The following GABRB1 variants were observed in gnomAD, a reference collection of about 807,000 sequenced individuals.
GABRB1 encodes the protein gamma-aminobutyric acid receptor subunit beta-1.
In GABRB1, 17 loss-of-function variants were observed where a neutral mutation model predicts 51.6. The ratio of observed to expected loss-of-function variants is 0.33; its 90% CI spans 0.23 to 0.49. The LOEUF is 0.49. Among genes scored for constraint, GABRB1 ranks in the 20% least tolerant of loss-of-function variants. The probability of loss-of-function intolerance (pLI) is 0.99; values close to 1 mark genes in which losing one functional copy is unlikely to be tolerated. For synonymous variants in GABRB1, 247 were observed against 218.9 expected (o/e 1.13, Z -1.14); for missense variants, 410 against 600.6 (o/e 0.68, Z 3.32).
At chr4:47,248,010 T>C (rs1721832432) in intron 4 of GABRB1, among the ~76,000 whole-genome samples, 1 of 152,102 alleles carries the variant, frequency 6.6e-6, no homozygotes, top group Non-Finnish European at 1.5e-5. Flanking sequence ...TGTTTCTTTC[T>C]CTTCTCTGAT....
At chr4:47,202,310 G>A (rs1002907557) in intron 4 of GABRB1, among the ~76,000 whole-genome samples, 2 of 152,108 alleles carry the variant, frequency 1.3e-5, no homozygotes, top group East Asian at 1.9e-4. Context: ...TGCCATGATT[G>A]TAAGTTTCCT....
At chr4:47,279,209 A>G (rs528295056) in intron 4 of GABRB1, among the ~76,000 whole-genome samples, 1 of 152,186 alleles carries the variant, frequency 6.6e-6, no homozygotes, top group African/African-American at 2.4e-5. Context: ...CTTCTCTTAA[A>G]CCTTTCACTT....
intron 4 of GABRB1, among the ~76,000 whole-genome samples, chr4:47,312,450 C>A (rs189034438): frequency 6.6e-6 from 1 of 152,198 alleles, no homozygotes; most frequent in African/African-American, 2.4e-5. Flanking sequence ...TTAGTCATAA[C>A]TTAGACTAAC....
At chr4:47,232,924 G>A (rs1721195733) in intron 4 of GABRB1, among the ~76,000 whole-genome samples, 1 of 150,374 alleles carries the variant, frequency 6.7e-6, no homozygotes. Context: ...ACCCAGGCTG[G>A]AGTGCAGTGG....
intron 3 of GABRB1, among the ~76,000 whole-genome samples, chr4:47,109,850 C>A (rs1417247236): frequency 6.6e-6 from 1 of 151,848 alleles, no homozygotes; most frequent in Non-Finnish European, 1.5e-5. Context: ...AGAATTAAAC[C>A]AGAACTTTAG....
At chr4:47,008,352 T>G (rs1163085335) in intron 1 of GABRB1, among the ~76,000 whole-genome samples, 9 of 152,112 alleles carry the variant, frequency 5.9e-5, no homozygotes, top group African/African-American at 1.9e-4. Flanking sequence ...CTAGATGAGA[T>G]TCTACAAAGA....
Position 47,171,225 on chromosome 4 carries a change from G to C in GABRB1, c.461+9756G>C, listed in dbSNP as rs1430233790. On this transcript the variant is annotated intron_variant, in intron 4 of 8. Transcript: ENST00000295454. ...AAGAGCTACATCTCCCCAAATTCCT[G>C]ACCTTGATTGTATGTCTCGTGGAAG... Among the ~76,000 whole-genome samples the C allele has an allele frequency of 2.0e-5, 3 of 150,676 alleles. 1 individual carries two copies. The South Asian group carries it at 6.3e-4, about 32-fold the overall frequency.
intron 4 of GABRB1, among the ~76,000 whole-genome samples, chr4:47,187,642 T>C (rs1719240179): frequency 6.6e-6 from 1 of 151,918 alleles, no homozygotes; most frequent in African/African-American, 2.4e-5. Flanking sequence ...CTGTTAGATA[T>C]AGAGAAGTTA....
chr4:47,170,670 T>C (rs1481616714), intron 4 of GABRB1, among the ~76,000 whole-genome samples: 1 of 152,164 alleles, frequency 6.6e-6, no homozygotes, highest in African/African-American at 2.4e-5. Context: ...GTTGATGTAG[T>C]ATTTGCAGAG....
In GABRB1 at chr4:47,340,416, G is replaced by A. The variant is rs146764682; in HGVS notation, c.544+20207G>A. ...TCTGGTGCTGTCTTAGTCCATTTGC[G>A]CTGGTATAATATGATACCTTCGAGG... is the stretch of plus-strand genomic sequence containing the variant. On this transcript the variant is annotated intron_variant, in intron 5 of 8. Coordinates refer to ENST00000295454, the MANE Select transcript of GABRB1 (RefSeq NM_000812.4). Among the ~76,000 whole-genome samples the A allele has an allele frequency of 7.2e-3, 1,089 of 152,082 alleles. 16 individuals are homozygous for A. Among genetic ancestry groups the A allele is most frequent in the African/African-American group, 0.024 (986 of 41,494 alleles).
chr4:47,319,882 T>G (rs1445232432), intron 4 of GABRB1, among the ~76,000 whole-genome samples: 1 of 152,234 alleles, frequency 6.6e-6, no homozygotes, highest in Non-Finnish European at 1.5e-5. Flanking sequence ...TTTGTTCAGA[T>G]TTCTATTTAT....
intron 3 of GABRB1, among the ~76,000 whole-genome samples, chr4:47,094,740 C>T (rs1409142984): frequency 6.8e-6 from 1 of 147,284 alleles, no homozygotes; most frequent in African/African-American, 2.5e-5. Context: ...CAAACCTGCA[C>T]ATGTACCCAT....
chr4:47,351,305 G>T (rs919146534), intron 5 of GABRB1, among the ~76,000 whole-genome samples: 1 of 152,106 alleles, frequency 6.6e-6, no homozygotes, highest in Admixed American at 6.6e-5. Flanking sequence ...TAGGCCAAGT[G>T]TGTCTATAAT....
At chr4:47,333,632 T>C (rs993191317) in intron 5 of GABRB1, among the ~76,000 whole-genome samples, 1 of 152,076 alleles carries the variant, frequency 6.6e-6, no homozygotes. Context: ...GGAGAATCAC[T>C]TGAACCCAGG....
intron 5 of GABRB1, among the ~76,000 whole-genome samples, chr4:47,379,222 CT>C (rs1438967390): frequency 1.3e-5 from 2 of 152,138 alleles, no homozygotes; most frequent in African/African-American, 4.8e-5. Context: ...CTATGCTATA[CT>C]ATAGCTGAAC....
intron 5 of GABRB1, among the ~76,000 whole-genome samples, chr4:47,371,113 G>T (rs1366216543): frequency 2.9e-5 from 3 of 102,118 alleles, no homozygotes; most frequent in African/African-American, 4.0e-5. Context: ...ACAGGCTCCA[G>T]TGTGTATTGT....
At chr4:47,317,353 C>T (rs1724929349) in intron 4 of GABRB1, among the ~76,000 whole-genome samples, 2 of 151,816 alleles carry the variant, frequency 1.3e-5, no homozygotes, top group Admixed American at 6.6e-5. Context: ...TCATAAGAAG[C>T]TGTTAAACAA....
chr4:47,152,339 A>C (rs1281575009), intron 3 of GABRB1, among the ~76,000 whole-genome samples: 1 of 152,008 alleles, frequency 6.6e-6, no homozygotes, highest in Non-Finnish European at 1.5e-5. Context: ...ACTGTACACT[A>C]TGCCAGGGCC....
chr4:47,139,187 A>G (rs1437417193), intron 3 of GABRB1, among the ~76,000 whole-genome samples: 1 of 151,984 alleles, frequency 6.6e-6, no homozygotes, highest in Non-Finnish European at 1.5e-5. Context: ...AGGTGTGTAT[A>G]ATTGGAAAGG....
Sources: gnomAD v4.1 joint callset for allele counts (sites outside exome capture counted in the v4.1 genomes callset) on GRCh38, gnomAD v4.1.1 for gene constraint, MANE v1.5 for transcripts, NCBI Gene and HGNC (gene_info 2026-07-23, HGNC 2026-07-21) for gene names.